The following BLTP3A variants were observed in gnomAD, a reference collection of about 807,000 sequenced individuals.
BLTP3A encodes the protein bridge-like lipid transfer protein family member 3A.
chr6:34,858,998 C>T, the BLTP3A span: 1 of 1,614,160 alleles, frequency 6.2e-7, no homozygotes, highest in Non-Finnish European at 8.5e-7. Context: ...GCTGAAGTGG[C>T]TCTGCTTATG....
chr6:34,797,853 T>G, the BLTP3A span, among the ~76,000 whole-genome samples: 2 of 152,164 alleles, frequency 1.3e-5, no homozygotes, highest in Non-Finnish European at 2.9e-5. Flanking sequence ...CACAGAAAAG[T>G]TAAATAACTT....
chr6:34,867,327 C>T, the BLTP3A span: 3 of 1,614,136 alleles, frequency 1.9e-6, no homozygotes, highest in Middle Eastern at 5.0e-4. Context: ...CAGGGGTCAC[C>T]AGCAGCCAAC....
At chr6:34,798,449 A>G in the BLTP3A span, among the ~76,000 whole-genome samples, 6 of 152,308 alleles carry the variant, frequency 3.9e-5, no homozygotes, top group Non-Finnish European at 8.8e-5. Flanking sequence ...TTTAGCTTTA[A>G]TGGATACACT....
the BLTP3A span, chr6:34,856,859 A>T: frequency 6.2e-7 from 1 of 1,613,906 alleles, no homozygotes; most frequent in African/African-American, 1.3e-5. Context: ...CCTGCCTTTC[A>T]GCCTCCAGCA....
At chr6:34,801,958 C>T in the BLTP3A span, among the ~76,000 whole-genome samples, 2 of 152,012 alleles carry the variant, frequency 1.3e-5, no homozygotes, top group East Asian at 1.9e-4. Flanking sequence ...AGGATGGTCT[C>T]GATCTCCTGA....
At chr6:34,823,200 C>A in the BLTP3A span, 1 of 1,413,470 alleles carries the variant, frequency 7.1e-7, no homozygotes, top group Non-Finnish European at 1.0e-6. Context: ...TCTGTGCTGT[C>A]ATTGTGCTGT....
chr6:34,855,205 G>A, the BLTP3A span, among the ~76,000 whole-genome samples: 1 of 152,176 alleles, frequency 6.6e-6, no homozygotes, highest in Admixed American at 6.6e-5. Flanking sequence ...AATAATATAG[G>A]TTATTGTTTT....
At chr6:34,844,930 G>T in the BLTP3A span, among the ~76,000 whole-genome samples, 1 of 152,182 alleles carries the variant, frequency 6.6e-6, no homozygotes. Context: ...TCTTTGCCCA[G>T]ACCAATGTTG....
chr6:34,830,463 G>A, the BLTP3A span, among the ~76,000 whole-genome samples: 6 of 152,136 alleles, frequency 3.9e-5, no homozygotes, highest in South Asian at 8.3e-4. Flanking sequence ...GATGGCGTGC[G>A]CCTGTAATCC....
the BLTP3A span, among the ~76,000 whole-genome samples, chr6:34,803,184 A>T: frequency 6.6e-6 from 1 of 152,058 alleles, no homozygotes; most frequent in Admixed American, 6.6e-5. Context: ...ACCCTGTATC[A>T]AAAAATAAAA....
the BLTP3A span, chr6:34,877,298 G>C: frequency 6.6e-6 from 1 of 152,618 alleles, no homozygotes; most frequent in Non-Finnish European, 1.5e-5. Context: ...AATTCTTGGG[G>C]ATGCCAGTTA....
At chr6:34,828,046 A>G in the BLTP3A span, among the ~76,000 whole-genome samples, 1 of 152,216 alleles carries the variant, frequency 6.6e-6, no homozygotes, top group African/African-American at 2.4e-5. Flanking sequence ...ACTGTGAAAC[A>G]AGGCACATTA....
the BLTP3A span, among the ~76,000 whole-genome samples, chr6:34,817,044 A>C: frequency 2.6e-5 from 4 of 152,200 alleles, no homozygotes; most frequent in South Asian, 6.2e-4. Context: ...TAGTGATTAC[A>C]AATAATGTTG....
chr6:34,836,039 G>A, the BLTP3A span: 18 of 1,318,228 alleles, frequency 1.4e-5, no homozygotes, highest in Middle Eastern at 4.1e-4. Flanking sequence ...AGTTGTGAGA[G>A]GGAAGGAACA....
the BLTP3A span, among the ~76,000 whole-genome samples, chr6:34,851,500 A>T: frequency 6.6e-6 from 1 of 152,110 alleles, no homozygotes; most frequent in Admixed American, 6.6e-5. Flanking sequence ...TCTCCATGCT[A>T]AGCTGCCTGG....
the BLTP3A span, among the ~76,000 whole-genome samples, chr6:34,850,487 T>C: frequency 6.6e-6 from 1 of 152,180 alleles, no homozygotes; most frequent in African/African-American, 2.4e-5. Context: ...GGCCAATAAT[T>C]CTTAGATTTG....
At chr6:34,796,162 G>C in the BLTP3A span, among the ~76,000 whole-genome samples, 1 of 152,198 alleles carries the variant, frequency 6.6e-6, no homozygotes, top group Non-Finnish European at 1.5e-5. Flanking sequence ...ATAATTACTT[G>C]TTGCTGATGA....
the BLTP3A span, among the ~76,000 whole-genome samples, chr6:34,859,850 C>T: frequency 1.3e-5 from 2 of 151,870 alleles, no homozygotes; most frequent in East Asian, 3.9e-4. Context: ...CTCTGCAATC[C>T]TCCTGCCTTG....
the BLTP3A span, among the ~76,000 whole-genome samples, chr6:34,797,789 A>G: frequency 1.3e-5 from 2 of 152,236 alleles, no homozygotes; most frequent in Non-Finnish European, 2.9e-5. Context: ...TTTAGTCCCC[A>G]TAATAACCCT....
Sources: gnomAD v4.1 joint callset for allele counts (sites outside exome capture counted in the v4.1 genomes callset) on GRCh38, gnomAD v4.1.1 for gene constraint, MANE v1.5 for transcripts, NCBI Gene and HGNC (gene_info 2026-07-23, HGNC 2026-07-21) for gene names.